Variants in KCNJ3 observed in about 807,000 individuals in gnomAD.
The protein encoded by KCNJ3 is potassium inwardly rectifying channel subfamily J member 3, also known as G protein-activated inward rectifier potassium channel 1.
KCNJ3 carries 4 observed loss-of-function variants against 39.2 expected under a neutral mutation model. That is an observed-to-expected ratio of 0.10 (90% CI 0.05 to 0.23). The LOEUF is 0.23. Among genes scored for constraint, KCNJ3 ranks in the 10% least tolerant of loss-of-function variants. The pLI is 1.00. For missense variants in KCNJ3, 276 were observed against 634.9 expected (o/e 0.43, Z 6.08); for synonymous variants, 230 against 237.4 (o/e 0.97, Z 0.29).
intron 2 of KCNJ3, among the ~76,000 whole-genome samples, chr2:154,783,566 A>G (rs528480852): frequency 7.9e-5 from 12 of 152,228 alleles, no homozygotes; most frequent in Non-Finnish European, 1.5e-4. Context: ...ATCACATTTT[A>G]AGTGGCTTAT....
intron 2 of KCNJ3, among the ~76,000 whole-genome samples, chr2:154,713,659 C>T (rs897463499): frequency 6.6e-6 from 1 of 152,144 alleles, no homozygotes; most frequent in Admixed American, 6.5e-5. Context: ...TCAAGCCTTG[C>T]CTCTTCATTA....
At chr2:154,852,198 A>C (rs562886893) in intron 2 of KCNJ3, among the ~76,000 whole-genome samples, 12 of 152,280 alleles carry the variant, frequency 7.9e-5, no homozygotes, top group African/African-American at 2.4e-4. Context: ...TCAATGATTG[A>C]AGTTTTTAAA....
At chr2:154,790,370 T>C (rs1247129226) in intron 2 of KCNJ3, among the ~76,000 whole-genome samples, 2 of 152,094 alleles carry the variant, frequency 1.3e-5, no homozygotes, top group East Asian at 3.9e-4. Flanking sequence ...TGACACTCTG[T>C]TGTTTTTCTA....
chr2:154,827,269 T>C (rs1227450019), intron 2 of KCNJ3, among the ~76,000 whole-genome samples: 2 of 152,194 alleles, frequency 1.3e-5, no homozygotes, highest in Non-Finnish European at 2.9e-5. Context: ...TAGACTTTTC[T>C]TTAGCTTTTT....
intron 2 of KCNJ3, among the ~76,000 whole-genome samples, chr2:154,766,951 G>T (rs924799581): frequency 6.6e-6 from 1 of 151,950 alleles, no homozygotes; most frequent in African/African-American, 2.4e-5. Context: ...CTGCCAGAGG[G>T]TTACTAAGCT....
intron 2 of KCNJ3, among the ~76,000 whole-genome samples, chr2:154,721,690 T>G (rs1685265679): frequency 6.6e-6 from 1 of 152,142 alleles, no homozygotes; most frequent in Non-Finnish European, 1.5e-5. Flanking sequence ...TTTTAAAATC[T>G]TAGCTACCAT....
At position 154,855,004 on chromosome 2, in the gene KCNJ3, A is replaced by G. The variant is rs1687813569; in HGVS notation, c.1197A>G (p.Leu399=). ...GACTAGATGATATTACTACAAAACTACCATCTAAGCTGCAGAAAATTACTG... is the reference window on the plus strand; with the variant it reads ...GACTAGATGATATTACTACAAAACTGCCATCTAAGCTGCAGAAAATTACTG... The part of the protein sequence containing the change: ...LDGLDDITTK[L]PSKLQKITGR... The change falls in exon 3 of 3, where the codon CTA becomes CTG. Residue 399 remains leucine (L), a synonymous_variant. Transcript: ENST00000295101. 4 of 1,613,882 alleles carry G rather than the reference A, an allele frequency of 2.5e-6. No homozygotes were observed. Among genetic ancestry groups the G allele is most frequent in the Non-Finnish European group, 3.4e-6 (4 of 1,179,932 alleles).
intron 2 of KCNJ3, among the ~76,000 whole-genome samples, chr2:154,824,138 C>T (rs1416023017): frequency 6.6e-6 from 1 of 152,060 alleles, no homozygotes; most frequent in Non-Finnish European, 1.5e-5. Context: ...AGTTGGAGAC[C>T]AGCCTGAGCA....
At chr2:154,700,229 A>G (rs369792961) in intron 1 of KCNJ3, among the ~76,000 whole-genome samples, 1 of 152,202 alleles carries the variant, frequency 6.6e-6, no homozygotes, top group African/African-American at 2.4e-5. Context: ...TACAGATTTC[A>G]CTTGAAGCTT....
Position 154,839,636 on chromosome 2 carries a change from T to G in KCNJ3, c.920-15091T>G, listed in dbSNP as rs147212856. On this transcript the variant is annotated intron_variant, in intron 2 of 2. Coordinates refer to ENST00000295101, the MANE Select transcript of KCNJ3 (RefSeq NM_002239.4). ...TTTAATGATTGCCTTCTAACTGGCA[T>G]GAGATGGTATCTCATTGTGGTTTTG... is the stretch of plus-strand genomic sequence containing the variant. Among the ~76,000 whole-genome samples the G allele has an allele frequency of 3.7e-3, 561 of 152,370 alleles. 5 individuals carry two copies. Among genetic ancestry groups the G allele is most frequent in the African/African-American group, 0.012 (487 of 41,592 alleles).
intron 2 of KCNJ3, among the ~76,000 whole-genome samples, chr2:154,821,562 C>A (rs1206666760): frequency 1.3e-5 from 2 of 150,974 alleles, no homozygotes; most frequent in Non-Finnish European, 2.9e-5. Flanking sequence ...GAACAGCCTG[C>A]CTCAAAAGCT....
chr2:154,846,303 G>T (rs899752552), intron 2 of KCNJ3, among the ~76,000 whole-genome samples: 22 of 152,198 alleles, frequency 1.4e-4, no homozygotes, highest in Admixed American at 4.6e-4. Flanking sequence ...CTGTTTCTGA[G>T]AAATTAAATG....
At chr2:154,720,501 T>C (rs16838035) in intron 2 of KCNJ3, among the ~76,000 whole-genome samples, 14,445 of 152,094 alleles carry the variant, frequency 0.095, 748 homozygotes, top group African/African-American at 0.12. Flanking sequence ...TTTAATATAA[T>C]TTAAGCCCTC....
At chr2:154,760,271 T>C (rs1686014460) in intron 2 of KCNJ3, among the ~76,000 whole-genome samples, 2 of 152,214 alleles carry the variant, frequency 1.3e-5, no homozygotes, top group Non-Finnish European at 2.9e-5. Context: ...TTATTACTCA[T>C]TTGATTATCT....
chr2:154,721,483 A>G (rs902506837), intron 2 of KCNJ3, among the ~76,000 whole-genome samples: 1 of 152,176 alleles, frequency 6.6e-6, no homozygotes, highest in African/African-American at 2.4e-5. Flanking sequence ...CAATTAAAAT[A>G]CTGTTTCTTA....
chr2:154,812,922 G>C (rs759662793), intron 2 of KCNJ3, among the ~76,000 whole-genome samples: 1 of 152,100 alleles, frequency 6.6e-6, no homozygotes, highest in African/African-American at 2.4e-5. Context: ...TGAGCACTTT[G>C]TGTATATCTT....
chr2:154,744,556 C>T (rs1001107650), intron 2 of KCNJ3, among the ~76,000 whole-genome samples: 8 of 151,664 alleles, frequency 5.3e-5, no homozygotes, highest in Non-Finnish European at 1.2e-4. Flanking sequence ...TTTGGTAGTA[C>T]ATTTTTTTAA....
chr2:154,759,320 T>C (rs978818528), intron 2 of KCNJ3, among the ~76,000 whole-genome samples: 1 of 152,000 alleles, frequency 6.6e-6, no homozygotes, highest in Admixed American at 6.6e-5. Flanking sequence ...ACCAGAAGGA[T>C]TTTTTGATAT....
At chr2:154,783,319 C>T (rs1686472705) in intron 2 of KCNJ3, among the ~76,000 whole-genome samples, 1 of 152,084 alleles carries the variant, frequency 6.6e-6, no homozygotes, top group Non-Finnish European at 1.5e-5. Flanking sequence ...TTTTGCATAA[C>T]TCAGGTTTTT....
Sources: gnomAD v4.1 joint callset for allele counts (sites outside exome capture counted in the v4.1 genomes callset) on GRCh38, gnomAD v4.1.1 for gene constraint, MANE v1.5 for transcripts, NCBI Gene and HGNC (gene_info 2026-07-23, HGNC 2026-07-21) for gene names.